SP3: variants seen among roughly 807,000 people sequenced by gnomAD.
The protein encoded by SP3 is Sp3 transcription factor.
A neutral mutation model predicts 70.3 loss-of-function variants in SP3; 10 were observed. The ratio of observed to expected loss-of-function variants is 0.14; its 90% CI spans 0.09 to 0.24. SP3 has a LOEUF of 0.24. Among genes scored for constraint, SP3 ranks in the 10% least tolerant of loss-of-function variants. The probability of loss-of-function intolerance (pLI) is 1.00; values close to 1 mark genes in which losing one functional copy is unlikely to be tolerated. For synonymous variants in SP3, 402 were observed against 333.5 expected (o/e 1.21, Z -2.24); for missense variants, 825 against 914.6 (o/e 0.90, Z 1.26).
chr2:173,957,459 TA>T (rs1690933027), intron 3 of SP3, among the ~76,000 whole-genome samples: 1 of 152,006 alleles, frequency 6.6e-6, no homozygotes, highest in Admixed American at 6.5e-5. Context: ...TGTAGTCAGT[TA>T]AAAAAGAGGC....
intron 4 of SP3, among the ~76,000 whole-genome samples, chr2:173,929,989 C>T (rs1204336994): frequency 6.6e-6 from 1 of 152,160 alleles, no homozygotes; most frequent in Non-Finnish European, 1.5e-5. Context: ...AGATTTACTA[C>T]TTTTCTTTGC....
intron 4 of SP3, among the ~76,000 whole-genome samples, chr2:173,950,496 T>A (rs1002322855): frequency 6.6e-6 from 1 of 152,016 alleles, no homozygotes; most frequent in Non-Finnish European, 1.5e-5. Flanking sequence ...TTGGGCAACA[T>A]AGCAAGATGC....
At chr2:173,937,024 A>G (rs1400043618) in intron 4 of SP3, among the ~76,000 whole-genome samples, 1 of 152,200 alleles carries the variant, frequency 6.6e-6, no homozygotes, top group Non-Finnish European at 1.5e-5. Flanking sequence ...ATTGTTGATT[A>G]CTACTCCATG....
chr2:173,926,177 T>C (rs1476304152), intron 4 of SP3, among the ~76,000 whole-genome samples: 1 of 152,284 alleles, frequency 6.6e-6, no homozygotes, highest in South Asian at 2.1e-4. Flanking sequence ...AATCTAAACA[T>C]TGTATCACAA....
rs1031138487 is a variant in SP3 at position 173,904,119 on chromosome 2, C to T, written c.*5822G>A. ...GGGGTTCACAACGGGGTTCGCACTC[C>T]TATGAGAATCTAATGTTGTGGCTCA... is the stretch of plus-strand genomic sequence containing the variant. On this transcript the variant is annotated 3_prime_UTR_variant, in exon 7 of 7. Transcript: ENST00000310015. Among the ~76,000 whole-genome samples, 1 of 152,130 alleles carries T rather than the reference C, an allele frequency of 6.6e-6. No homozygotes were observed. Among genetic ancestry groups the T allele is most frequent in the Non-Finnish European group, 1.5e-5 (1 of 68,022 alleles).
Position 173,926,719 on chromosome 2 carries a change from C to A in SP3, c.1640-7934G>T, listed in dbSNP as rs562067722. Among the ~76,000 whole-genome samples, 11 of 152,192 alleles carry A rather than the reference C, an allele frequency of 7.2e-5. No individual in the cohort carries two copies. The South Asian group carries it at 2.3e-3, about 32-fold the overall frequency. ...AAAAATTTTAAGAATGTAAAAATGG[C>A]TTCCACATTAATTCTATTAACTAAG... is the stretch of plus-strand genomic sequence containing the variant. On this transcript the variant is annotated intron_variant, in intron 4 of 6. Coordinates refer to ENST00000310015, the MANE Select transcript of SP3 (RefSeq NM_003111.5).
chr2:173,950,935 T>G, intron 4 of SP3, among the ~76,000 whole-genome samples: 1 of 152,162 alleles, frequency 6.6e-6, no homozygotes, highest in Non-Finnish European at 1.5e-5. Flanking sequence ...TCAAATAATT[T>G]CCCCGTTCCT....
chr2:173,913,333 TCA>T (rs1046371960), intron 5 of SP3, 67 bp from the exon 6 acceptor site: 20 of 1,147,588 alleles, frequency 1.7e-5, no homozygotes, highest in Non-Finnish European at 2.2e-5. Flanking sequence ...ACCATTTACA[TCA>T]TATATCCCCA....
At chr2:173,920,081 G>T (rs944206718) in intron 4 of SP3, among the ~76,000 whole-genome samples, 1 of 150,754 alleles carries the variant, frequency 6.6e-6, no homozygotes, top group Non-Finnish European at 1.5e-5. Context: ...TCGAACAAAA[G>T]AAGCCCCCCC....
At chr2:173,941,319 T>A (rs1310702417) in intron 4 of SP3, among the ~76,000 whole-genome samples, 1 of 152,104 alleles carries the variant, frequency 6.6e-6, no homozygotes, top group African/African-American at 2.4e-5. Context: ...AATATATGAA[T>A]AGATAATGCT....
chr2:173,912,677 A>G (rs1689517923), intron 6 of SP3, among the ~76,000 whole-genome samples: 1 of 152,224 alleles, frequency 6.6e-6, no homozygotes, highest in Admixed American at 6.5e-5. Context: ...AAAAGGTGAA[A>G]TGCCCAAATA....
chr2:173,907,205 G>A lies in SP3; in HGVS notation c.*2736C>T, dbSNP rs1276200250. 1 of 151,966 alleles carries A rather than the reference G, an allele frequency of 6.6e-6. No individual in the cohort carries two copies. The highest frequency in any genetic ancestry group is 1.5e-5 in the Non-Finnish European group (1 of 67,970). The allele number at this position is 151,966 out of a possible 1,614,324, so 9.4% of individuals were successfully genotyped here. On this transcript the variant is annotated 3_prime_UTR_variant, in exon 7 of 7. Transcript: ENST00000310015. ...TCGCGTCCACTAAATGTTACAACAG[G>A]AATTATTTGTACATAAATATATTCA...
intron 4 of SP3, among the ~76,000 whole-genome samples, chr2:173,920,672 C>T (rs1689728219): frequency 6.6e-6 from 1 of 152,044 alleles, no homozygotes; most frequent in Non-Finnish European, 1.5e-5. Flanking sequence ...CTCACTGCAA[C>T]CTCTGCCTCC....
chr2:173,911,946 G>A (rs1166039916), intron 6 of SP3, among the ~76,000 whole-genome samples: 1 of 150,184 alleles, frequency 6.7e-6, no homozygotes, highest in Non-Finnish European at 1.5e-5. Flanking sequence ...AGCCTCCTGA[G>A]CAGCTGGGAC....
rs1436349959 is a variant in SP3, at chr2:173,905,489, A to G, written c.*4452T>C. Reference sequence around the variant, plus strand: ...AGAAGCAAGAGTTAAAAGGTGAAAAATGGGGAAAAGGACTGAAGGAGATAG... The same window carrying G: ...AGAAGCAAGAGTTAAAAGGTGAAAAGTGGGGAAAAGGACTGAAGGAGATAG... On this transcript the variant is annotated 3_prime_UTR_variant, in exon 7 of 7. Transcript: ENST00000310015. Among the ~76,000 whole-genome samples, 1 of 152,214 alleles carries G rather than the reference A, an allele frequency of 6.6e-6. No individual in the cohort carries two copies. Among genetic ancestry groups the G allele is most frequent in the African/African-American group, 2.4e-5 (1 of 41,450 alleles).
intron 3 of SP3, among the ~76,000 whole-genome samples, chr2:173,957,425 T>C (rs1690931703): frequency 6.6e-6 from 1 of 152,002 alleles, no homozygotes; most frequent in Non-Finnish European, 1.5e-5. Flanking sequence ...AGAGATAAAG[T>C]AGTATTAGAA....
At position 173,909,836 on chromosome 2, in the gene SP3, C is replaced by CA. The variant is rs886581775; in HGVS notation, c.*104dup. 47 of 1,084,920 alleles carry CA rather than the reference C, an allele frequency of 4.3e-5. No homozygotes were observed. In the African/African-American group the frequency reaches 6.6e-4, roughly 15 times the overall value. 67.2% of individuals were successfully genotyped at this position (1,084,920 alleles called of 1,614,324 possible). On this transcript the variant is annotated 3_prime_UTR_variant, in exon 7 of 7. Transcript: ENST00000310015. ...ATGTATAACCAAGTTACTGTCAATC[C>CA]AAAAATTTTTGCACATCAATAAAAA...
rs891083393 is a variant in SP3 at position 173,918,756 on chromosome 2, G to T, written c.1669C>A (p.Pro557Thr). The change falls in exon 5 of 7, where the codon CCT (proline) becomes ACT (threonine). Residue 557 changes from proline to threonine, a missense_variant. Pro to Thr is a conservative substitution (Grantham distance 38, BLOSUM62 -1). Coordinates refer to ENST00000310015, the MANE Select transcript of SP3 (RefSeq NM_003111.5). ...TCACCACTGAGCTGCCACTCTTCAGGATCAGGTTCTTCTTCCTTGATCCTA... is the reference window on the plus strand; with the variant it reads ...TCACCACTGAGCTGCCACTCTTCAGTATCAGGTTCTTCTTCCTTGATCCTA... ...DIRIKEEEPD[P>T]EEWQLSGDST... The T allele has an allele frequency of 1.9e-6, 3 of 1,612,236 alleles. No homozygotes were observed. In the African/African-American group the frequency reaches 4.0e-5, roughly 22 times the overall value.
chr2:173,963,950 CT>C, intron 2 of SP3, 67 bp from the exon 3 acceptor site: 3 of 1,176,900 alleles, frequency 2.5e-6, no homozygotes, highest in South Asian at 1.7e-5. Context: ...GTCGGGCCGC[CT>C]TTCGCACAGG....
Sources: allele counts gnomAD v4.1 joint callset (sites outside exome capture counted in the v4.1 genomes callset), GRCh38; gene constraint gnomAD v4.1.1; transcripts MANE v1.5; gene names NCBI Gene and HGNC (gene_info 2026-07-23, HGNC 2026-07-21).